Variants in DYNC1LI2 observed in about 807,000 individuals in gnomAD.
DYNC1LI2 encodes dynein cytoplasmic 1 light intermediate chain 2.
Under a neutral mutation model 57.8 loss-of-function variants are expected in DYNC1LI2, and 19 were observed. That is an observed-to-expected ratio of 0.33 (90% CI 0.23 to 0.48). The LOEUF is 0.48. Among genes scored for constraint, DYNC1LI2 ranks in the 20% least tolerant of loss-of-function variants. DYNC1LI2 has a pLI of 0.99. For missense variants in DYNC1LI2, 470 were observed against 604.2 expected (o/e 0.78, Z 2.33); for synonymous variants, 256 against 233.4 (o/e 1.10, Z -0.88).
intron 4 of DYNC1LI2, among the ~76,000 whole-genome samples, chr16:66,739,939 G>A (rs1320144246): frequency 6.6e-6 from 1 of 152,190 alleles, no homozygotes; most frequent in Non-Finnish European, 1.5e-5. Context: ...GCTTCCCTTT[G>A]GAATCAGATG....
In DYNC1LI2 at chr16:66,723,513, G is replaced by A. The variant is rs1048298537; in HGVS notation, c.*209C>T. On this transcript the variant is annotated 3_prime_UTR_variant, in exon 13 of 13. Transcript: ENST00000258198. Reference sequence around the variant, plus strand: ...GAGCCACATGCCCCAGAGTCCAAGGGTTATCCTTAACAAAGGGTCTGACAT... The same window carrying A: ...GAGCCACATGCCCCAGAGTCCAAGGATTATCCTTAACAAAGGGTCTGACAT... The A allele has an allele frequency of 1.5e-5, 10 of 647,128 alleles. 1 individual carries two copies. The highest frequency in any genetic ancestry group is 1.4e-4 in the South Asian group (9 of 66,268). 40.1% of individuals were successfully genotyped at this position (647,128 alleles called of 1,614,324 possible). A position where few individuals can be genotyped will look rare whatever the true frequency, so the allele number is the denominator to read the frequency against.
intron 3 of DYNC1LI2, among the ~76,000 whole-genome samples, chr16:66,747,606 A>G (rs1021630453): frequency 1.3e-4 from 19 of 147,338 alleles, no homozygotes; most frequent in Admixed American, 5.4e-4. Context: ...GTCTCGTTTT[A>G]TCGCCTAGGC....
chr16:66,744,240 T>C (rs1046321083), intron 3 of DYNC1LI2, among the ~76,000 whole-genome samples: 5 of 151,944 alleles, frequency 3.3e-5, no homozygotes, highest in African/African-American at 7.3e-5. Context: ...TTTGTAGAGA[T>C]AGGGTCTCCT....
At chr16:66,723,908 C>A (rs1459706583) in intron 12 of DYNC1LI2, 86 bp from the exon 13 acceptor site, 5 of 1,078,478 alleles carry the variant, frequency 4.6e-6, no homozygotes, top group African/African-American at 3.2e-5. Flanking sequence ...AAATTATACG[C>A]CTTCTATAAT....
In DYNC1LI2 at chr16:66,732,329, A is replaced by C. The variant is rs753276835; in HGVS notation, c.929+10T>G. 11 of 1,609,900 alleles carry C rather than the reference A, an allele frequency of 6.8e-6. No homozygotes were observed. The highest frequency in any genetic ancestry group is 9.3e-6 in the Non-Finnish European group (11 of 1,178,976). On this transcript the variant is annotated intron_variant, in intron 7 of 12. Coordinates refer to ENST00000258198, the MANE Select transcript of DYNC1LI2 (RefSeq NM_006141.3). ...GAAGAGTTTCAAAGCATCAGCTCAA[A>C]ATAACTCACATAAAAACGGCATCCT...
In DYNC1LI2 at chr16:66,748,277, C is replaced by CAA. The variant is rs36186799; in HGVS notation, c.298+918_298+919dup. ...TGGGTGACAGAGTAAAACCCTGTCT[C>CAA]AAAAAAAAAAAAAAAAAAAAAAAAA... On this transcript the variant is annotated intron_variant, in intron 3 of 12. Transcript: ENST00000258198. Among the ~76,000 whole-genome samples, 31 of 66,034 alleles carry CAA rather than the reference C, an allele frequency of 4.7e-4. 1 individual carries two copies. Among genetic ancestry groups the CAA allele is most frequent in the East Asian group, 8.3e-4 (2 of 2,404 alleles). 43.3% of individuals were successfully genotyped at this position (66,034 alleles called of 152,430 possible). A position where few individuals can be genotyped will look rare whatever the true frequency, so the allele number is the denominator to read the frequency against.
intron 3 of DYNC1LI2, among the ~76,000 whole-genome samples, chr16:66,745,409 G>C (rs765535702): frequency 9.2e-5 from 14 of 151,970 alleles, no homozygotes; most frequent in Non-Finnish European, 1.6e-4. Context: ...CTCTTGAGTG[G>C]CTGGGATTAC....
In DYNC1LI2 at chr16:66,722,968, G is replaced by A. The variant is rs1300377253; in HGVS notation, c.*754C>T. ...TGTCTGCCCCACAACACATATCCGT[G>A]GACCCCAGTACCTCTCACGAGGACA... On this transcript the variant is annotated 3_prime_UTR_variant, in exon 13 of 13. Coordinates refer to ENST00000258198, the MANE Select transcript of DYNC1LI2 (RefSeq NM_006141.3). 2 of 177,160 alleles carry A rather than the reference G, an allele frequency of 1.1e-5. No homozygotes were observed. Among genetic ancestry groups the A allele is most frequent in the Middle Eastern group, 2.5e-3 (1 of 398 alleles). 11.0% of individuals were successfully genotyped at this position (177,160 alleles called of 1,614,324 possible).
rs879232998 is a variant in DYNC1LI2, at chr16:66,734,297, A to G, written c.714T>C (p.Ser238=). The change falls in exon 6 of 13, where the codon AGT becomes AGC. Residue 238 remains serine, a synonymous_variant. Transcript: ENST00000258198. ...TGTAATCGTGCTCCTTCTCCAGGAC[A>G]CTCACCGCATCACACTGCAGGGAAG... is the stretch of plus-strand genomic sequence containing the variant. The part of the protein sequence containing the change: ...LVVCTKCDAV[S]VLEKEHDYRD... The G allele has an allele frequency of 1.2e-6, 2 of 1,613,956 alleles. No individual in the cohort carries two copies. Among genetic ancestry groups the G allele is most frequent in the South Asian group, 1.1e-5 (1 of 91,066 alleles).
rs1029938337 is a variant in DYNC1LI2 at position 66,723,337 on chromosome 16, A to C, written c.*385T>G. ...TTAATCTGCTTCCCAAGAACAAGTGAATTTACTAACATGAAACTGGTCAGA... is the reference window on the plus strand; with the variant it reads ...TTAATCTGCTTCCCAAGAACAAGTGCATTTACTAACATGAAACTGGTCAGA... On this transcript the variant is annotated 3_prime_UTR_variant, in exon 13 of 13. Coordinates refer to ENST00000258198, the MANE Select transcript of DYNC1LI2 (RefSeq NM_006141.3). The C allele has an allele frequency of 2.2e-6, 1 of 460,446 alleles. No homozygotes were observed. Among genetic ancestry groups the C allele is most frequent in the African/African-American group, 2.0e-5 (1 of 50,254 alleles). 28.5% of individuals were successfully genotyped at this position (460,446 alleles called of 1,614,324 possible).
chr16:66,751,331 G>A lies in DYNC1LI2; in HGVS notation c.123C>T (p.Ser41=), dbSNP rs1411345741. 6 of 1,612,014 alleles carry A rather than the reference G, an allele frequency of 3.7e-6. No individual in the cohort carries two copies. The highest frequency in any genetic ancestry group is 5.1e-6 in the Non-Finnish European group (6 of 1,179,082). ...TGGACCTGGCGCGGGTGGACACTTC[G>A]CTCAGAATGGAGGACCTGTGGCGAC... ...EGQSLWSSIL[S]EVSTRARSKL... is the part of the protein sequence containing the mutation. Residue 41 remains serine (S), a synonymous_variant, in exon 2 of 13, where the codon AGC becomes AGT. Transcript: ENST00000258198. The surrounding 1 kb of genome is among the most constrained non-coding windows in gnomAD (Gnocchi z 5.2).
chr16:66,732,080 G>A (rs1596988851), intron 7 of DYNC1LI2: 2 of 420,880 alleles, frequency 4.8e-6, no homozygotes, highest in Admixed American at 4.1e-5. Flanking sequence ...TTTTACCAGA[G>A]TTGACAGTGA....
At chr16:66,749,999 A>C (rs557221736) in intron 2 of DYNC1LI2, among the ~76,000 whole-genome samples, 79 of 152,336 alleles carry the variant, frequency 5.2e-4, no homozygotes, top group African/African-American at 1.8e-3. Flanking sequence ...CCATTTAATA[A>C]TATGGAATTA....
At chr16:66,740,587 T>A (rs898954088) in intron 4 of DYNC1LI2, among the ~76,000 whole-genome samples, 2 of 152,132 alleles carry the variant, frequency 1.3e-5, no homozygotes, top group Admixed American at 1.3e-4. Flanking sequence ...CTCCTCTTCC[T>A]CCTTATAACC....
chr16:66,748,002 A>G, intron 3 of DYNC1LI2, among the ~76,000 whole-genome samples: 1 of 152,142 alleles, frequency 6.6e-6, no homozygotes, highest in Non-Finnish European at 1.5e-5. Flanking sequence ...AAGATCTAAC[A>G]TAGGCTGGGT....
Position 66,751,264 on chromosome 16 carries a change from G to C in DYNC1LI2, c.181+9C>G, listed in dbSNP as rs762137869. The C allele has an allele frequency of 3.1e-6, 5 of 1,610,116 alleles. No homozygotes were observed. Among genetic ancestry groups the C allele is most frequent in the South Asian group, 1.1e-5 (1 of 90,638 alleles). ...CGACCTGGGGCAACGCCCCGCCGCC[G>C]GCGCTCACCGAAGACCAGGATGTTC... On this transcript the variant is annotated intron_variant, in intron 2 of 12. Transcript: ENST00000258198. This position sits in a 1 kb window ranked among gnomAD's most constrained non-coding sequence, Gnocchi z 5.2.
intron 11 of DYNC1LI2, among the ~76,000 whole-genome samples, chr16:66,727,068 C>T (rs993392679): frequency 2.0e-5 from 3 of 152,106 alleles, no homozygotes; most frequent in African/African-American, 7.2e-5. Flanking sequence ...CAGGCAAGCA[C>T]CATCATGCCC....
intron 3 of DYNC1LI2, among the ~76,000 whole-genome samples, chr16:66,747,945 A>G (rs1024291565): frequency 2.0e-5 from 3 of 152,052 alleles, no homozygotes; most frequent in African/African-American, 4.8e-5. Flanking sequence ...AAACCAACCA[A>G]CCAACCAACC....
chr16:66,745,637 C>T (rs1189876298), intron 3 of DYNC1LI2, among the ~76,000 whole-genome samples: 1 of 151,686 alleles, frequency 6.6e-6, no homozygotes. Context: ...GGCCTGGTGG[C>T]TCACGCCTGT....
Sources: gnomAD v4.1 joint callset for allele counts (sites outside exome capture counted in the v4.1 genomes callset) on GRCh38, gnomAD v4.1.1 for gene constraint, Gnocchi (gnomAD v3.1) non-coding constraint, MANE v1.5 for transcripts, NCBI Gene and HGNC (gene_info 2026-07-23, HGNC 2026-07-21) for gene names.